The following EBF2 variants were observed in gnomAD, a reference collection of about 807,000 sequenced individuals.
EBF2 encodes EBF transcription factor 2, also known as transcription factor COE2.
EBF2 carries 21 observed loss-of-function variants against 72.8 expected under a neutral mutation model. The observed-to-expected ratio is 0.29, with a 90% CI of 0.20 to 0.42. The LOEUF (loss-of-function observed/expected upper bound fraction) is 0.42, where lower values mean the gene tolerates loss of function less well. Ranked by LOEUF, EBF2 falls within the 10% of genes least tolerant of loss-of-function variation. The pLI is 1.00. For missense variants in EBF2, 637 were observed against 731.2 expected (o/e 0.87, Z 1.49); for synonymous variants, 299 against 274.2 (o/e 1.09, Z -0.89).
chr8:26,013,308 C>A (rs1805057331), intron 6 of EBF2, among the ~76,000 whole-genome samples: 1 of 151,946 alleles, frequency 6.6e-6, no homozygotes, highest in South Asian at 2.1e-4. Flanking sequence ...CTAGATCACA[C>A]CTTGCCACAC....
intron 6 of EBF2, among the ~76,000 whole-genome samples, chr8:25,954,796 A>G (rs1035901606): frequency 3.3e-5 from 5 of 152,004 alleles, no homozygotes; most frequent in African/African-American, 1.2e-4. Context: ...TCCCCTGGTT[A>G]TTTGCTGCTA....
intron 3 of EBF2, 110 bp from the exon 4 acceptor site, chr8:26,040,781 G>T: frequency 2.0e-6 from 3 of 1,476,690 alleles, no homozygotes; most frequent in Admixed American, 2.1e-5. Context: ...ATGCTGAGCC[G>T]CCCTGGAGAC....
intron 10 of EBF2, among the ~76,000 whole-genome samples, chr8:25,866,804 G>T (rs1291338444): frequency 2.7e-5 from 4 of 150,732 alleles, no homozygotes; most frequent in South Asian, 2.1e-4. Context: ...GCTAATTTTT[G>T]TATTTTTAGT....
At chr8:26,022,381 A>C (rs1409507800) in intron 6 of EBF2, among the ~76,000 whole-genome samples, 1 of 152,242 alleles carries the variant, frequency 6.6e-6, no homozygotes, top group Non-Finnish European at 1.5e-5. Flanking sequence ...TTGTGCATAA[A>C]GCACCAAAAC....
chr8:25,858,395 A>G lies in EBF2; in HGVS notation c.1452T>C (p.Asn484=). ...TSSNSMNGYS[N]VPMANLGVPG... ...GAACACCCAAGTTGGCCATGGGGAC[A>G]TTGCTGTAGCCATTCATACTGTTGC... The change falls in exon 14 of 16, where the codon AAT becomes AAC. Residue 484 remains asparagine, a synonymous_variant. Transcript: ENST00000520164. 1 of 1,614,218 alleles carries G rather than the reference A, an allele frequency of 6.2e-7. No individual in the cohort carries two copies. Among genetic ancestry groups the G allele is most frequent in the Non-Finnish European group, 8.5e-7 (1 of 1,180,024 alleles).
At chr8:25,946,195 T>C (rs1803766002) in intron 6 of EBF2, among the ~76,000 whole-genome samples, 2 of 152,234 alleles carry the variant, frequency 1.3e-5, no homozygotes, top group Admixed American at 6.5e-5. Flanking sequence ...AATCACTGTA[T>C]GTGGAATGAG....
chr8:25,990,159 G>A (rs1013016106), intron 6 of EBF2, among the ~76,000 whole-genome samples: 1 of 151,082 alleles, frequency 6.6e-6, no homozygotes, highest in African/African-American at 2.4e-5. Flanking sequence ...TTATACATCT[G>A]CATGTATATA....
At chr8:25,997,325 C>T (rs1222109639) in intron 6 of EBF2, among the ~76,000 whole-genome samples, 1 of 152,162 alleles carries the variant, frequency 6.6e-6, no homozygotes, top group Non-Finnish European at 1.5e-5. Flanking sequence ...AATCCTAGCA[C>T]TTTGGGAGGC....
At chr8:25,875,423 C>T (rs556985358) in intron 10 of EBF2, among the ~76,000 whole-genome samples, 1 of 152,326 alleles carries the variant, frequency 6.6e-6, no homozygotes, top group Non-Finnish European at 1.5e-5. Flanking sequence ...TTCACTCTGT[C>T]ATCAGCTCTC....
chr8:25,963,068 T>C (rs951228221), intron 6 of EBF2, among the ~76,000 whole-genome samples: 5 of 152,196 alleles, frequency 3.3e-5, no homozygotes, highest in African/African-American at 1.2e-4. Context: ...AGGCCTTTGT[T>C]GTCAGGTTTA....
chr8:25,932,750 G>A (rs1313219545), intron 6 of EBF2, among the ~76,000 whole-genome samples: 4 of 152,192 alleles, frequency 2.6e-5, no homozygotes, highest in Admixed American at 1.3e-4. Flanking sequence ...ATTGACAGTC[G>A]TTAGAATATT....
chr8:25,931,276 C>T (rs1803475416), intron 6 of EBF2, among the ~76,000 whole-genome samples: 1 of 152,168 alleles, frequency 6.6e-6, no homozygotes, highest in Non-Finnish European at 1.5e-5. Context: ...TGGGAACAGA[C>T]TCAGTCTGCC....
intron 6 of EBF2, among the ~76,000 whole-genome samples, chr8:25,938,942 C>T (rs953904001): frequency 3.3e-5 from 5 of 152,078 alleles, no homozygotes; most frequent in Non-Finnish European, 7.4e-5. Context: ...AGGACTGTTG[C>T]TCTTCTTCCT....
chr8:25,976,848 A>C (rs976731671), intron 6 of EBF2, among the ~76,000 whole-genome samples: 2 of 152,190 alleles, frequency 1.3e-5, no homozygotes, highest in African/African-American at 4.8e-5. Flanking sequence ...TAAAGGGTTT[A>C]AACTTTGCCA....
intron 6 of EBF2, among the ~76,000 whole-genome samples, chr8:26,014,085 A>T (rs1805070156): frequency 6.6e-6 from 1 of 152,194 alleles, no homozygotes; most frequent in Admixed American, 6.5e-5. Context: ...TTCTACATTT[A>T]TGAATAACCT....
At chr8:25,887,255 C>A (rs920113866) in intron 9 of EBF2, among the ~76,000 whole-genome samples, 2 of 152,002 alleles carry the variant, frequency 1.3e-5, no homozygotes, top group East Asian at 1.9e-4. Context: ...CCAACCCCAC[C>A]CTCACCCCTG....
chr8:25,949,057 A>G (rs1803816285), intron 6 of EBF2, among the ~76,000 whole-genome samples: 1 of 152,206 alleles, frequency 6.6e-6, no homozygotes, highest in Non-Finnish European at 1.5e-5. Flanking sequence ...CATCATCAAT[A>G]CCATTTATTG....
chr8:25,870,245 A>ATT (rs113924712), intron 10 of EBF2, among the ~76,000 whole-genome samples: 3 of 146,402 alleles, frequency 2.0e-5, no homozygotes, highest in African/African-American at 2.5e-5. Flanking sequence ...TCATTGCCTA[A>ATT]TTTTTTTTTT....
chr8:25,861,528 C>A (rs889767169), intron 11 of EBF2, among the ~76,000 whole-genome samples, 154 bp from the exon 12 acceptor site: 1 of 152,194 alleles, frequency 6.6e-6, no homozygotes, highest in African/African-American at 2.4e-5. Flanking sequence ...AGGTAGAATA[C>A]AATTGTACAT....
Sources: allele counts gnomAD v4.1 joint callset (sites outside exome capture counted in the v4.1 genomes callset), GRCh38; gene constraint gnomAD v4.1.1; transcripts MANE v1.5; gene names NCBI Gene and HGNC (gene_info 2026-07-23, HGNC 2026-07-21).